The following DEPDC5 variants were observed in gnomAD, a reference collection of about 807,000 sequenced individuals.
The protein encoded by DEPDC5 is GATOR1 complex protein DEPDC5.
A neutral mutation model predicts 217.3 loss-of-function variants in DEPDC5; 73 were observed. The observed-to-expected ratio is 0.34, with a 90% CI of 0.28 to 0.41. DEPDC5 has a LOEUF of 0.41. Ranked by LOEUF, DEPDC5 falls within the 10% of genes least tolerant of loss-of-function variation. DEPDC5 has a pLI of 1.00. For missense variants in DEPDC5, 1,675 were observed against 2,070.1 expected (o/e 0.81, Z 3.70); for synonymous variants, 733 against 756.7 (o/e 0.97, Z 0.51).
chr22:31,822,893 A>T, intron 24 of DEPDC5, 103 bp downstream of exon 24: 1 of 1,200,318 alleles, frequency 8.3e-7, no homozygotes, highest in Non-Finnish European at 1.2e-6. Context: ...TTTTGAGATC[A>T]TTTCAGCCAC....
chr22:31,873,701 T>TA (rs2092913500), intron 35 of DEPDC5: 1 of 179,928 alleles, frequency 5.6e-6, no homozygotes, highest in Non-Finnish European at 1.2e-5. Flanking sequence ...CCTAGTATGA[T>TA]GCCTGACAAG....
intron 24 of DEPDC5, among the ~76,000 whole-genome samples, chr22:31,832,053 C>G (rs1398698931): frequency 6.6e-6 from 1 of 152,220 alleles, no homozygotes; most frequent in East Asian, 1.9e-4. Context: ...GCTTATTTCA[C>G]TCACCATATT....
At position 31,758,447 on chromosome 22, in the gene DEPDC5, G is replaced by A. The variant is rs2082115147; in HGVS notation, c.59-99G>A. ...ATAGAACCTCATCTGTCAATGGGGT[G>A]GCAATACCATCCTGATGGGGTTGTG... On this transcript the variant is annotated intron_variant, in intron 2 of 42. Coordinates refer to ENST00000651528, the MANE Select transcript of DEPDC5 (RefSeq NM_001242896.3). The A allele has an allele frequency of 8.9e-6, 9 of 1,010,806 alleles. No homozygotes were observed. In the Admixed American group the frequency reaches 1.6e-4, roughly 18 times the overall value. The allele number at this position is 1,010,806 out of a possible 1,614,324, so 62.6% of individuals were successfully genotyped here. A position where few individuals can be genotyped will look rare whatever the true frequency, so the allele number is the denominator to read the frequency against.
intron 4 of DEPDC5, among the ~76,000 whole-genome samples, chr22:31,760,912 A>G (rs970748733): frequency 6.6e-6 from 1 of 151,942 alleles, no homozygotes; most frequent in African/African-American, 2.4e-5. Context: ...TATTGTATCC[A>G]TTACACAGTG....
intron 3 of DEPDC5, among the ~76,000 whole-genome samples, chr22:31,759,412 C>G (rs1047228231): frequency 1.4e-5 from 2 of 147,278 alleles, no homozygotes; most frequent in Non-Finnish European, 3.0e-5. Flanking sequence ...CTCACTCTGT[C>G]ACCCAGGCTG....
intron 33 of DEPDC5, among the ~76,000 whole-genome samples, chr22:31,866,091 G>C (rs1384717530): frequency 6.6e-6 from 1 of 152,178 alleles, no homozygotes; most frequent in Non-Finnish European, 1.5e-5. Context: ...CCACGAGGTG[G>C]AAGGTAGAAG....
At chr22:31,771,535 C>G (rs2083352363) in intron 7 of DEPDC5, among the ~76,000 whole-genome samples, 1 of 151,720 alleles carries the variant, frequency 6.6e-6, no homozygotes, top group Non-Finnish European at 1.5e-5. Flanking sequence ...TCCTGGGTAA[C>G]ATGGTGAAAC....
intron 16 of DEPDC5, 49 bp downstream of exon 16, chr22:31,804,272 A>C (rs2087223292): frequency 6.3e-7 from 1 of 1,592,100 alleles, no homozygotes. Flanking sequence ...GAGTATAGTT[A>C]GAAAGAGAAA....
Position 31,810,546 on chromosome 22 carries a change from G to A in DEPDC5, c.1350G>A (p.Glu450=). ...CTCTCGGGAGTCCAAAAGAATCTGA[G>A]AACGCCCTTCCCATCCAAGTAGATT... ...DTSLGSPKES[E]NALPIQVDYD... The change falls in exon 20 of 43, where the codon GAG becomes GAA. Residue 450 remains glutamate, a synonymous_variant. Transcript: ENST00000651528. 1.9e-6 allele frequency: 3 copies of A among 1,614,118 alleles called. No homozygotes were observed. Among genetic ancestry groups the A allele is most frequent in the Non-Finnish European group, 2.5e-6 (3 of 1,180,028 alleles).
At chr22:31,812,087 C>G (rs2088432449) in intron 20 of DEPDC5, among the ~76,000 whole-genome samples, 1 of 151,590 alleles carries the variant, frequency 6.6e-6, no homozygotes, top group Non-Finnish European at 1.5e-5. Flanking sequence ...CTCCTGGGTT[C>G]AAGCAATTCT....
chr22:31,786,154 G>T (rs1350952958), intron 10 of DEPDC5, among the ~76,000 whole-genome samples: 2 of 151,982 alleles, frequency 1.3e-5, no homozygotes, highest in African/African-American at 4.8e-5. Flanking sequence ...TACTCAGGAG[G>T]CTGAGACAGG....
intron 8 of DEPDC5, among the ~76,000 whole-genome samples, chr22:31,781,498 T>A (rs1461883356): frequency 2.0e-5 from 3 of 152,084 alleles, no homozygotes; most frequent in Non-Finnish European, 4.4e-5. Flanking sequence ...AGTGGCGTGA[T>A]CTCGGCTCAC....
At chr22:31,802,623 G>T in intron 14 of DEPDC5, 81 bp from the exon 15 acceptor site, 1 of 1,401,252 alleles carries the variant, frequency 7.1e-7, no homozygotes, top group South Asian at 1.7e-5. Context: ...AGAATGCTCT[G>T]AGAGTGTAGA....
intron 32 of DEPDC5, among the ~76,000 whole-genome samples, chr22:31,859,851 A>C: frequency 6.6e-6 from 1 of 152,106 alleles, no homozygotes; most frequent in East Asian, 1.9e-4. Flanking sequence ...GAGTCTTTTC[A>C]CCTGAACTCC....
chr22:31,781,732 A>G (rs766238198), intron 8 of DEPDC5, among the ~76,000 whole-genome samples: 3 of 152,138 alleles, frequency 2.0e-5, no homozygotes, highest in Non-Finnish European at 4.4e-5. Flanking sequence ...ACCTGGCCAA[A>G]AAAATATTAA....
At chr22:31,792,165 C>A in intron 11 of DEPDC5, 63 bp downstream of exon 11, 1 of 1,222,334 alleles carries the variant, frequency 8.2e-7, no homozygotes, top group Non-Finnish European at 1.2e-6. Context: ...CCCACCCCAG[C>A]CATTTCCTTT....
At chr22:31,795,124 G>A (rs1318595467) in intron 12 of DEPDC5, among the ~76,000 whole-genome samples, 2 of 141,948 alleles carry the variant, frequency 1.4e-5, no homozygotes, top group Non-Finnish European at 3.0e-5. Context: ...AGGCTGGAGT[G>A]CACTAGCGTG....
intron 38 of DEPDC5, among the ~76,000 whole-genome samples, chr22:31,880,804 C>G (rs2093152179): frequency 6.6e-6 from 1 of 151,540 alleles, no homozygotes; most frequent in Non-Finnish European, 1.5e-5. Flanking sequence ...GCAGGCAGAT[C>G]ACAAGGTCGG....
chr22:31,821,355 C>A, intron 22 of DEPDC5, 147 bp from the exon 23 acceptor site: 1 of 1,116,764 alleles, frequency 9.0e-7, no homozygotes, highest in Non-Finnish European at 1.3e-6. Flanking sequence ...AGCAGATGTC[C>A]TTTGGGAGCC....
Sources: allele counts gnomAD v4.1 joint callset (sites outside exome capture counted in the v4.1 genomes callset), GRCh38; gene constraint gnomAD v4.1.1; transcripts MANE v1.5; gene names NCBI Gene and HGNC (gene_info 2026-07-23, HGNC 2026-07-21).